Variants in UTRN observed in about 807,000 individuals in gnomAD.
UTRN encodes dystrophin-related protein 1.
Under a neutral mutation model 463.9 loss-of-function variants are expected in UTRN, and 283 were observed. The ratio of observed to expected loss-of-function variants is 0.61; its 90% CI spans 0.55 to 0.67. The LOEUF is 0.67. Ranked by LOEUF, UTRN falls within the 30% of genes least tolerant of loss-of-function variation. The pLI is 0.00. For missense variants in UTRN, 3,922 were observed against 4,084.3 expected (o/e 0.96, Z 1.08); for synonymous variants, 1,442 against 1,431.5 (o/e 1.01, Z -0.17).
At position 144,797,977 on chromosome 6, in the gene UTRN, A is replaced by G. The variant is rs1472865027; in HGVS notation, c.9232A>G (p.Ile3078Val). 3 of 1,613,926 alleles carry G rather than the reference A, an allele frequency of 1.9e-6. No individual in the cohort carries two copies. Among genetic ancestry groups the G allele is most frequent in the African/African-American group, 2.7e-5 (2 of 74,880 alleles). ...ATGCAACATCTGTAAAGAATGTCCA[A>G]TTGTCGGGTTCAGGTAAGGCGTGCC... ...AKCNICKECPIVGFRYRSLKH... is the reference protein window; with the variant it reads ...AKCNICKECPVVGFRYRSLKH... Residue 3078 changes from isoleucine to valine, a missense_variant, in exon 64 of 75, where the codon ATT becomes GTT. Coordinates refer to ENST00000367545, the MANE Select transcript of UTRN (RefSeq NM_007124.3).
chr6:144,543,453 C>T (rs1231707931), intron 46 of UTRN, among the ~76,000 whole-genome samples: 1 of 152,206 alleles, frequency 6.6e-6, no homozygotes, highest in Non-Finnish European at 1.5e-5. Flanking sequence ...GCCACTGTTG[C>T]CACTGCCTTG....
chr6:144,396,092 A>G lies in UTRN; in HGVS notation c.80-7031A>G, dbSNP rs147625319. 3.2e-3 allele frequency among the ~76,000 whole-genome samples: 488 copies of G among 152,312 alleles called. 1 individual carries two copies. Among genetic ancestry groups the G allele is most frequent in the African/African-American group, 0.01 (425 of 41,562 alleles). On this transcript the variant is annotated intron_variant, in intron 2 of 74. Transcript: ENST00000367545. ...TACTTGTACACCAGTGTTCATTGTG[A>G]CATTGTTCATAATAGCCAAAAAGTG...
intron 34 of UTRN, among the ~76,000 whole-genome samples, chr6:144,504,992 G>C (rs1286472793): frequency 1.3e-5 from 2 of 152,178 alleles, no homozygotes; most frequent in Non-Finnish European, 2.9e-5. Flanking sequence ...TCTTATGAGG[G>C]TGTATGTGTC....
intron 51 of UTRN, among the ~76,000 whole-genome samples, chr6:144,591,331 G>A (rs1803049821): frequency 6.6e-6 from 1 of 152,106 alleles, no homozygotes; most frequent in South Asian, 2.1e-4. Flanking sequence ...CCCTGGGGTT[G>A]TTATTTTCTC....
chr6:144,826,195 G>A (rs1780168878), intron 66 of UTRN, among the ~76,000 whole-genome samples: 1 of 130,398 alleles, frequency 7.7e-6, no homozygotes, highest in Non-Finnish European at 1.6e-5. Context: ...TAAATGCCTG[G>A]TTCTGAAAAT....
intron 53 of UTRN, among the ~76,000 whole-genome samples, chr6:144,704,226 T>C (rs1292897940): frequency 6.6e-6 from 1 of 152,248 alleles, no homozygotes; most frequent in African/African-American, 2.4e-5. Flanking sequence ...TTTTGCTCTA[T>C]TATGTCAGTT....
In UTRN at chr6:144,322,785, T is replaced by C. The variant is rs544129573; in HGVS notation, c.79+30878T>C. 1.4e-4 allele frequency among the ~76,000 whole-genome samples: 21 copies of C among 151,998 alleles called. No homozygotes were observed. The East Asian group carries it at 3.9e-3, about 28-fold the overall frequency. On this transcript the variant is annotated intron_variant, in intron 2 of 74. Transcript: ENST00000367545. ...GGTGAAACCCCGTCTCTACTAAAAA[T>C]ATAAAAAATTAGCCAGGCGTGGTGG...
At chr6:144,396,867 T>C (rs1167206543) in intron 2 of UTRN, among the ~76,000 whole-genome samples, 2 of 152,158 alleles carry the variant, frequency 1.3e-5, no homozygotes, top group Admixed American at 1.3e-4. Flanking sequence ...CACCCTCTTA[T>C]ATACTTCCTA....
chr6:144,646,180 A>G (rs921245219), intron 51 of UTRN, among the ~76,000 whole-genome samples: 5 of 152,174 alleles, frequency 3.3e-5, no homozygotes, highest in Non-Finnish European at 7.3e-5. Context: ...AGTGTCATGC[A>G]ATTCTATTCG....
intron 50 of UTRN, among the ~76,000 whole-genome samples, chr6:144,572,021 TTTTG>T (rs1194400116): frequency 2.0e-5 from 3 of 152,070 alleles, no homozygotes; most frequent in Non-Finnish European, 2.9e-5. Context: ...TTTTTGCCTT[TTTTG>T]TTTGTTTGTT....
intron 2 of UTRN, among the ~76,000 whole-genome samples, chr6:144,386,210 C>CCTTGTT (rs1781402900): frequency 6.6e-6 from 1 of 152,062 alleles, no homozygotes; most frequent in Non-Finnish European, 1.5e-5. Context: ...GCTTGTTATC[C>CCTTGTT]CAGCACTTTG....
intron 43 of UTRN, among the ~76,000 whole-genome samples, chr6:144,534,956 G>A (rs1184611686): frequency 3.3e-5 from 5 of 152,300 alleles, no homozygotes; most frequent in African/African-American, 1.2e-4. Flanking sequence ...GATCTGCAAA[G>A]GATTGAAAGG....
intron 60 of UTRN, among the ~76,000 whole-genome samples, chr6:144,780,123 T>G (rs908366834): frequency 6.6e-6 from 1 of 152,208 alleles, no homozygotes; most frequent in Non-Finnish European, 1.5e-5. Flanking sequence ...AATTATTAGT[T>G]ATTCAGTGGT....
intron 2 of UTRN, among the ~76,000 whole-genome samples, chr6:144,332,470 C>G (rs1325309219): frequency 6.6e-6 from 1 of 152,160 alleles, no homozygotes. Context: ...TAATTCTTAA[C>G]TAGCCACTTA....
chr6:144,411,332 A>C (rs1020905292), intron 3 of UTRN, among the ~76,000 whole-genome samples: 6 of 152,040 alleles, frequency 3.9e-5, no homozygotes, highest in Non-Finnish European at 8.8e-5. Flanking sequence ...ATTTTTTCAT[A>C]TTCTTGTTGC....
chr6:144,690,090 TTTTTTTGTGTGTGTGTG>T (rs1350661635), intron 52 of UTRN, among the ~76,000 whole-genome samples: 4 of 56,824 alleles, frequency 7.0e-5, no homozygotes, highest in African/African-American at 3.2e-4. Flanking sequence ...TTTTTTTTTT[TTTTTTTGTGTGTGTGTG>T]TGTGTGTGTG....
chr6:144,304,934 C>A (rs1562725356), intron 2 of UTRN, among the ~76,000 whole-genome samples: 1 of 142,798 alleles, frequency 7.0e-6, no homozygotes, highest in East Asian at 2.0e-4. Flanking sequence ...AATGTTTTGA[C>A]TTTTTTTTTT....
At chr6:144,640,945 A>AT (rs1165747101) in intron 51 of UTRN, among the ~76,000 whole-genome samples, 1 of 152,144 alleles carries the variant, frequency 6.6e-6, no homozygotes, top group South Asian at 2.1e-4. Flanking sequence ...GAAATAAAAG[A>AT]TTTTTTTCCT....
intron 23 of UTRN, among the ~76,000 whole-genome samples, chr6:144,466,505 A>G (rs1789976041): frequency 6.6e-6 from 1 of 152,262 alleles, no homozygotes; most frequent in Non-Finnish European, 1.5e-5. Context: ...ATGCCAAAGC[A>G]ATAACCTCCA....
Sources: allele counts gnomAD v4.1 joint callset (sites outside exome capture counted in the v4.1 genomes callset), GRCh38; gene constraint gnomAD v4.1.1; transcripts MANE v1.5; gene names NCBI Gene and HGNC (gene_info 2026-07-23, HGNC 2026-07-21).